Variants in PCDH15 observed in about 807,000 individuals in gnomAD.
PCDH15 encodes the protein protocadherin-15.
In PCDH15, 129 loss-of-function variants were observed where a neutral mutation model predicts 178.5. The ratio of observed to expected loss-of-function variants is 0.72; its 90% confidence interval spans 0.63 to 0.84. The LOEUF (loss-of-function observed/expected upper bound fraction) is 0.84, where lower values mean the gene tolerates loss of function less well. PCDH15 is among the 40% of genes least tolerant of loss of function. The probability of loss-of-function intolerance (pLI) is 0.00; values close to 1 mark genes in which losing one functional copy is unlikely to be tolerated. For missense variants in PCDH15, 2,230 were observed against 2,099.9 expected, an observed-to-expected ratio of 1.06 and a Z score of -1.21; for synonymous variants, 800 against 732.0, an observed-to-expected ratio of 1.09 and a Z score of -1.50.
intron 2 of PCDH15, among the ~76,000 whole-genome samples, chr10:55,468,713 T>C (rs1688246592): frequency 1.3e-5 from 2 of 152,184 alleles, no homozygotes; most frequent in Non-Finnish European, 2.9e-5. Context: ...CTTTAAAAAA[T>C]ATTTGAATTT....
chr10:54,011,110 A>AT (rs2092568862), intron 20 of PCDH15, among the ~76,000 whole-genome samples: 1 of 145,170 alleles, frequency 6.9e-6, no homozygotes, highest in South Asian at 2.2e-4. Context: ...CAGTGCAGCC[A>AT]CCCCACTCCC....
intron 26 of PCDH15, among the ~76,000 whole-genome samples, chr10:53,895,328 T>G (rs1169904085): frequency 6.6e-6 from 1 of 152,232 alleles, no homozygotes; most frequent in African/African-American, 2.4e-5. Context: ...CACCAGTTTG[T>G]GCTTTTGAAA....
intron 20 of PCDH15, among the ~76,000 whole-genome samples, chr10:54,007,557 A>G (rs1203261787): frequency 3.3e-5 from 5 of 152,134 alleles, no homozygotes; most frequent in Admixed American, 2.6e-4. Flanking sequence ...GAAAAAATGT[A>G]TGTTATTTGT....
At chr10:55,506,544 A>G (rs1006378725) in intron 2 of PCDH15, among the ~76,000 whole-genome samples, 3 of 151,594 alleles carry the variant, frequency 2.0e-5, no homozygotes, top group African/African-American at 7.3e-5. Flanking sequence ...CAACTGAACC[A>G]TTTCAAGGCT....
At chr10:54,478,271 T>A (rs894137795) in intron 3 of PCDH15, among the ~76,000 whole-genome samples, 2 of 152,060 alleles carry the variant, frequency 1.3e-5, no homozygotes, top group African/African-American at 4.8e-5. Flanking sequence ...GGATATTTTT[T>A]AAAAAATGAA....
In PCDH15 at chr10:54,275,244, T is replaced by C. The variant is rs560702739; in HGVS notation, c.877-38313A>G. Among the ~76,000 whole-genome samples the C allele has an allele frequency of 1.1e-4, 17 of 151,960 alleles. No individual in the cohort carries two copies. In the East Asian group the frequency reaches 1.4e-3, roughly 12 times the overall value. ...TTAACACTGAAAAGCAACAAAAATA[T>C]GGAAACAGTGCTTCTTATATGCCAG... On this transcript the variant is annotated intron_variant, in intron 8 of 37. Coordinates refer to ENST00000644397, the MANE Select transcript of PCDH15 (RefSeq NM_001384140.1).
At chr10:54,536,963 G>A (rs1041546529) in intron 2 of PCDH15, among the ~76,000 whole-genome samples, 1 of 148,896 alleles carries the variant, frequency 6.7e-6, no homozygotes, top group Non-Finnish European at 1.5e-5. Context: ...GAACATACAA[G>A]TGCATGTGAC....
intron 2 of PCDH15, among the ~76,000 whole-genome samples, chr10:55,396,045 C>T (rs552105863): frequency 6.6e-6 from 1 of 150,620 alleles, no homozygotes; most frequent in South Asian, 2.1e-4. Context: ...TATATTTTAG[C>T]ATTTTCTGGA....
At chr10:53,819,423 T>C (rs2076176404) in intron 33 of PCDH15, among the ~76,000 whole-genome samples, 2 of 152,016 alleles carry the variant, frequency 1.3e-5, no homozygotes, top group East Asian at 3.8e-4. Flanking sequence ...AGAAAGTTAC[T>C]TGAAAGAGGT....
chr10:54,025,185 CAT>C (rs2093046135), intron 18 of PCDH15, among the ~76,000 whole-genome samples: 1 of 152,116 alleles, frequency 6.6e-6, no homozygotes, highest in South Asian at 2.1e-4. Flanking sequence ...CACTAGGAAA[CAT>C]ATCTAAACAT....
chr10:54,389,203 C>T (rs1380205393), intron 3 of PCDH15, among the ~76,000 whole-genome samples: 1 of 152,108 alleles, frequency 6.6e-6, no homozygotes, highest in Admixed American at 6.6e-5. Context: ...AAGCCAGATG[C>T]CCTTTTACCA....
chr10:55,490,034 A>C (rs1840377871), intron 2 of PCDH15, among the ~76,000 whole-genome samples: 1 of 151,762 alleles, frequency 6.6e-6, no homozygotes, highest in African/African-American at 2.4e-5. Context: ...CACCCAAAAC[A>C]AACAGAAAAA....
In PCDH15 at chr10:54,396,575, T is replaced by C. The variant is rs1951255424; in HGVS notation, c.158-17633A>G. Among the ~76,000 whole-genome samples, 4 of 152,278 alleles carry C rather than the reference T, an allele frequency of 2.6e-5. No individual in the cohort carries two copies. In the South Asian group the frequency reaches 8.3e-4, roughly 32 times the overall value. On this transcript the variant is annotated intron_variant, in intron 3 of 37. Transcript: ENST00000644397. ...TTGACAGAGAACTCACATTTCATTC[T>C]CTTTCCAACACTCTTCTTTTGATAC...
chr10:55,380,212 G>T (rs2132000163), intron 2 of PCDH15, among the ~76,000 whole-genome samples: 1 of 152,252 alleles, frequency 6.6e-6, no homozygotes, highest in African/African-American at 2.4e-5. Context: ...TGGTGTAACA[G>T]TCATCCAAAG....
intron 2 of PCDH15, among the ~76,000 whole-genome samples, chr10:55,414,770 G>GT (rs1838433695): frequency 8.9e-4 from 131 of 146,966 alleles, no homozygotes; most frequent in African/African-American, 3.2e-3. Context: ...TCTAACAAGG[G>GT]GTGTGTGTGT....
chr10:55,517,982 C>T (rs1841060884), intron 2 of PCDH15, among the ~76,000 whole-genome samples: 2 of 152,126 alleles, frequency 1.3e-5, no homozygotes, highest in South Asian at 4.1e-4. Context: ...ATGACCCTAA[C>T]TCTCCTTAAA....
intron 3 of PCDH15, among the ~76,000 whole-genome samples, chr10:54,841,324 A>G (rs983723632): frequency 3.3e-5 from 5 of 151,908 alleles, no homozygotes; most frequent in African/African-American, 4.8e-5. Flanking sequence ...CCAATGAGCA[A>G]AAGAAGAAAT....
chr10:54,240,662 C>G (rs189364766), intron 8 of PCDH15, among the ~76,000 whole-genome samples: 6,995 of 110,756 alleles, frequency 0.063, 481 homozygotes, highest in African/African-American at 0.19. Flanking sequence ...GACAGAGTAT[C>G]GCTCTGTTGC....
intron 1 of PCDH15, among the ~76,000 whole-genome samples, chr10:54,671,466 A>C (rs986084720): frequency 3.3e-5 from 5 of 152,320 alleles, no homozygotes; most frequent in Admixed American, 3.3e-4. Context: ...TGGCTCTGGC[A>C]TGAGAGAGTC....
Sources: allele counts gnomAD v4.1 joint callset (sites outside exome capture counted in the v4.1 genomes callset), GRCh38; gene constraint gnomAD v4.1.1; transcripts MANE v1.5; gene names NCBI Gene and HGNC (gene_info 2026-07-23, HGNC 2026-07-21).